The following SHTN1 variants were observed in gnomAD, a reference collection of about 807,000 sequenced individuals.
SHTN1 encodes the protein shootin-1.
In SHTN1, 42 loss-of-function variants were observed where a neutral mutation model predicts 83.1. That is an observed-to-expected ratio of 0.51 (90% confidence interval 0.39 to 0.65). The LOEUF (loss-of-function observed/expected upper bound fraction) is 0.65, where lower values mean the gene tolerates loss of function less well. SHTN1 is among the 30% of genes least tolerant of loss of function. The probability of loss-of-function intolerance (pLI) is 0.00; values close to 1 mark genes in which losing one functional copy is unlikely to be tolerated. For synonymous variants in SHTN1, 224 were observed against 247.7 expected, an observed-to-expected ratio of 0.90 and a Z score of 0.90; for missense variants, 622 against 737.8, an observed-to-expected ratio of 0.84 and a Z score of 1.82.
At chr10:117,012,225 GCAATCC>G in intron 2 of SHTN1, among the ~76,000 whole-genome samples, 1 of 150,866 alleles carries the variant, frequency 6.6e-6, no homozygotes, top group South Asian at 2.1e-4. Flanking sequence ...TAGATCCAAT[GCAATCC>G]CAATCCAAAT....
chr10:117,111,945 GTGTTTTGGTTTTTT>G lies in SHTN1; in HGVS notation c.-189+14348_-189+14361del, dbSNP rs1026567626. Among the ~76,000 whole-genome samples the G allele has an allele frequency of 1.2e-4, 18 of 152,110 alleles. 1 individual carries two copies. The highest frequency in any genetic ancestry group is 4.1e-4 in the African/African-American group (17 of 41,530). On this transcript the variant is annotated intron_variant, in intron 1 of 17. Transcript: ENST00000392901. ...AGTTCCAGCCCCCAAGCACATACCA[GTGTTTTGGTTTTTT>G]TGTTTTGTTTTTGTTTTTTCTTTTG... is the stretch of plus-strand genomic sequence containing the variant.
upstream of SHTN1, among the ~76,000 whole-genome samples, chr10:117,009,864 C>T (rs1205905291): frequency 6.6e-6 from 1 of 151,504 alleles, no homozygotes; most frequent in Non-Finnish European, 1.5e-5. Flanking sequence ...GATCGCGCCA[C>T]TGCACTCCAG....
intron 1 of SHTN1, among the ~76,000 whole-genome samples, chr10:117,116,379 C>T (rs1032038123): frequency 1.4e-4 from 21 of 152,034 alleles, no homozygotes; most frequent in African/African-American, 5.1e-4. Flanking sequence ...AAATAGAAAA[C>T]CTCAACAAAC....
At chr10:116,980,593 C>CA (rs943329700) in intron 1 of SHTN1, among the ~76,000 whole-genome samples, 4 of 141,570 alleles carry the variant, frequency 2.8e-5, no homozygotes, top group South Asian at 2.3e-4. Flanking sequence ...GAAAAAAAAA[C>CA]AAAAAAACAG....
intron 16 of SHTN1, among the ~76,000 whole-genome samples, chr10:116,888,570 A>C (rs779441721): frequency 1.9e-4 from 29 of 152,186 alleles, no homozygotes; most frequent in Non-Finnish European, 4.1e-4. Flanking sequence ...CACAAGCACC[A>C]ATCTTGATGA....
intron 1 of SHTN1, among the ~76,000 whole-genome samples, chr10:117,111,508 G>A (rs1384245662): frequency 6.6e-6 from 1 of 151,934 alleles, no homozygotes; most frequent in Non-Finnish European, 1.5e-5. Flanking sequence ...TGGCCAGGCT[G>A]GTCTTGAACT....
At chr10:117,084,288 G>GT (rs1853315162) in intron 1 of SHTN1, among the ~76,000 whole-genome samples, 1 of 152,066 alleles carries the variant, frequency 6.6e-6, no homozygotes, top group Admixed American at 6.6e-5. Context: ...CTGCAGGTCT[G>GT]TTGGAGTACC....
chr10:116,912,090 A>G (rs1317843096), intron 13 of SHTN1, among the ~76,000 whole-genome samples: 1 of 152,232 alleles, frequency 6.6e-6, no homozygotes, highest in African/African-American at 2.4e-5. Flanking sequence ...CCCTCTTCTA[A>G]ATACCATATT....
intron 1 of SHTN1, among the ~76,000 whole-genome samples, chr10:117,056,299 A>C (rs756056230): frequency 6.6e-6 from 1 of 152,234 alleles, no homozygotes. Flanking sequence ...CAGTATAGAC[A>C]TAACAATCCT....
intron 15 of SHTN1, among the ~76,000 whole-genome samples, chr10:116,904,437 CTTTT>C (rs779336840): frequency 6.9e-6 from 1 of 144,812 alleles, no homozygotes; most frequent in Non-Finnish European, 1.5e-5. Flanking sequence ...TGTTTCCTTC[CTTTT>C]TTTTTTTTCT....
intron 14 of SHTN1, 157 bp downstream of exon 14, chr10:116,911,633 G>T: frequency 6.4e-7 from 1 of 1,557,190 alleles, no homozygotes; most frequent in South Asian, 1.2e-5. Context: ...ATATGTGATG[G>T]AGCAGTCTGT....
In SHTN1 at chr10:116,971,151, C is replaced by T. The variant is rs1850603790; in HGVS notation, c.112-2439G>A. Among the ~76,000 whole-genome samples, 4 of 152,034 alleles carry T rather than the reference C, an allele frequency of 2.6e-5. No individual in the cohort carries two copies. In the South Asian group the frequency reaches 6.2e-4, roughly 24 times the overall value. On this transcript the variant is annotated intron_variant, in intron 2 of 16. Transcript: ENST00000355371. ...GCTCATATGGGTAAATGTATTCTGG[C>T]AAGAGAACATGAAACAAGTACACAG...
At chr10:117,079,398 GGTGCATAT>G (rs1391166032) in intron 1 of SHTN1, among the ~76,000 whole-genome samples, 3 of 131,090 alleles carry the variant, frequency 2.3e-5, no homozygotes, top group African/African-American at 8.8e-5. Flanking sequence ...AGTATTCCAT[GGTGCATAT>G]GTGCCACATT....
chr10:116,911,068 C>G (rs999294520), intron 14 of SHTN1, among the ~76,000 whole-genome samples: 1 of 152,158 alleles, frequency 6.6e-6, no homozygotes, highest in African/African-American at 2.4e-5. Context: ...ACTTACTGTG[C>G]ATAATAACTG....
intron 2 of SHTN1, among the ~76,000 whole-genome samples, chr10:117,021,531 A>T (rs1852263720): frequency 6.6e-6 from 1 of 152,248 alleles, no homozygotes; most frequent in Non-Finnish European, 1.5e-5. Context: ...ATTCATTCAT[A>T]AAACTATAAG....
At chr10:116,886,687 A>G (rs1847175261) in intron 16 of SHTN1, 121 bp from the exon 17 acceptor site, 4 of 1,340,396 alleles carry the variant, frequency 3.0e-6, no homozygotes, top group Non-Finnish European at 4.1e-6. Context: ...CAACATGCAT[A>G]TAGTAGTCTT....
At chr10:116,954,333 T>A (rs1347184662) in intron 4 of SHTN1, 123 bp from the exon 5 acceptor site, 1 of 587,424 alleles carries the variant, frequency 1.7e-6, no homozygotes, top group Non-Finnish European at 2.9e-6. Flanking sequence ...CAGCAGGACA[T>A]AACAATTAGT....
intron 1 of SHTN1, among the ~76,000 whole-genome samples, chr10:117,104,769 G>A (rs1342812103): frequency 2.0e-5 from 3 of 152,006 alleles, no homozygotes; most frequent in Admixed American, 6.6e-5. Flanking sequence ...GCGAGACTCC[G>A]TCTCAAAACA....
intron 1 of SHTN1, among the ~76,000 whole-genome samples, chr10:117,060,839 A>C (rs1852888943): frequency 6.6e-6 from 1 of 152,198 alleles, no homozygotes; most frequent in Admixed American, 6.5e-5. Flanking sequence ...TATGGTCGGA[A>C]AAGCGAGAGG....
Sources: allele counts gnomAD v4.1 joint callset (sites outside exome capture counted in the v4.1 genomes callset), GRCh38; gene constraint gnomAD v4.1.1; transcripts MANE v1.5; gene names NCBI Gene and HGNC (gene_info 2026-07-23, HGNC 2026-07-21).